The following EPG5 variants were observed in gnomAD, a reference collection of about 807,000 sequenced individuals.
EPG5 encodes the protein ectopic P granules protein 5 homolog.
A neutral mutation model predicts 302.7 loss-of-function variants in EPG5; 159 were observed. The ratio of observed to expected loss-of-function variants is 0.53; its 90% confidence interval spans 0.46 to 0.60. EPG5 has a LOEUF of 0.60. Ranked by LOEUF, EPG5 falls within the 20% of genes least tolerant of loss-of-function variation. The pLI, the probability that EPG5 is intolerant of heterozygous loss-of-function variation, is 0.00. For missense variants in EPG5, 2,896 were observed against 3,092.4 expected, an observed-to-expected ratio of 0.94 and a Z score of 1.51; for synonymous variants, 1,158 against 1,136.8, an observed-to-expected ratio of 1.02 and a Z score of -0.37.
At chr18:45,877,650 G>T (rs1449152912) in intron 34 of EPG5, among the ~76,000 whole-genome samples, 1 of 152,156 alleles carries the variant, frequency 6.6e-6, no homozygotes, top group African/African-American at 2.4e-5. Context: ...AGCATCATGG[G>T]TTAATGCAAA....
At position 45,948,570 on chromosome 18, in the gene EPG5, C is replaced by A. The variant is rs2050837867; in HGVS notation, c.1504G>T (p.Val502Leu). The change falls in exon 6 of 44, where the codon GTG becomes TTG. Residue 502 changes from valine to leucine, a missense_variant. Physicochemically the swap from Val to Leu is conservative, Grantham distance 32. This residue lies in a region of EPG5 where 1,390 missense variants were observed against 1,430.0 expected (regional missense o/e 0.97). Transcript: ENST00000282041. ...AAGACCCCTGATGGGTTATGCAACA[C>A]TTTGATCTGAAATCAGAAAAGCAAA... is the stretch of plus-strand genomic sequence containing the variant. ...KWAVPFIQIK[V>L]LHNPSGVFHF... 3 of 1,613,192 alleles carry A rather than the reference C, an allele frequency of 1.9e-6. No individual in the cohort carries two copies. The highest frequency in any genetic ancestry group is 2.5e-6 in the Non-Finnish European group (3 of 1,179,404).
chr18:45,889,645 C>G (rs1249149652), intron 28 of EPG5, among the ~76,000 whole-genome samples, 153 bp downstream of exon 28: 1 of 152,178 alleles, frequency 6.6e-6, no homozygotes, highest in Non-Finnish European at 1.5e-5. Context: ...AAATAAGTAG[C>G]AGGCCAGATT....
chr18:45,967,048 T>C lies in EPG5; in HGVS notation c.63+129A>G, dbSNP rs1403413751. 13 of 844,164 alleles carry C rather than the reference T, an allele frequency of 1.5e-5. No homozygotes were observed. In the East Asian group the frequency reaches 3.8e-4, roughly 25 times the overall value. 52.3% of individuals were successfully genotyped at this position (844,164 alleles called of 1,614,324 possible). On this transcript the variant is annotated intron_variant, in intron 1 of 43. Transcript: ENST00000282041. ...TGTCAACGGGTGGTGGGATCAAATA[T>C]TGGAAGGTGGAGGCGGAAGATGCAG...
At chr18:45,905,998 T>C (rs1416717981) in intron 24 of EPG5, among the ~76,000 whole-genome samples, 5 of 152,336 alleles carry the variant, frequency 3.3e-5, no homozygotes, top group Non-Finnish European at 5.9e-5. Flanking sequence ...CTCTGTGCGT[T>C]AAATGCTGTT....
Position 45,871,419 on chromosome 18 carries a change from C to G in EPG5, c.6050-677G>C, listed in dbSNP as rs141904165. ...AGACTACCATATGATCCAGTAATCTCACTTCTGGGTATATATCCAAAAGAA... is the reference window on the plus strand; with the variant it reads ...AGACTACCATATGATCCAGTAATCTGACTTCTGGGTATATATCCAAAAGAA... On this transcript the variant is annotated intron_variant, in intron 35 of 43. Coordinates refer to ENST00000282041, the MANE Select transcript of EPG5 (RefSeq NM_020964.3). Among the ~76,000 whole-genome samples the G allele has an allele frequency of 1.4e-4, 22 of 152,300 alleles. No homozygotes were observed. The East Asian group carries it at 3.9e-3, about 27-fold the overall frequency.
intron 23 of EPG5, among the ~76,000 whole-genome samples, chr18:45,909,001 A>T (rs2049827499): frequency 6.6e-6 from 1 of 152,104 alleles, no homozygotes; most frequent in Non-Finnish European, 1.5e-5. Context: ...AAAATACAAT[A>T]CTTCCTTCAT....
intron 10 of EPG5, 103 bp from the exon 11 acceptor site, chr18:45,935,069 C>G: frequency 8.2e-7 from 1 of 1,223,970 alleles, no homozygotes; most frequent in Non-Finnish European, 1.1e-6. Flanking sequence ...TTAAATCACA[C>G]TATGATTTTT....
intron 12 of EPG5, among the ~76,000 whole-genome samples, chr18:45,930,394 T>G (rs190699516): frequency 4.2e-4 from 64 of 152,258 alleles, no homozygotes. Flanking sequence ...GAGGGAAACA[T>G]ACATCATAAA....
In EPG5 at chr18:45,966,391, A is replaced by T. The variant is rs9956463; in HGVS notation, c.63+786T>A. ...ACTCTGTCTCAAAAAAAAAAAAAAA[A>T]ATACATATACATATATATACACACA... On this transcript the variant is annotated intron_variant, in intron 1 of 43. Coordinates refer to ENST00000282041, the MANE Select transcript of EPG5 (RefSeq NM_020964.3). 3.7e-3 allele frequency among the ~76,000 whole-genome samples: 551 copies of T among 148,112 alleles called. 3 individuals are homozygous for T. Among genetic ancestry groups the T allele is most frequent in the African/African-American group, 0.014 (525 of 38,008 alleles).
At chr18:45,841,522 C>T in the EPG5 span, among the ~76,000 whole-genome samples, 3 of 152,184 alleles carry the variant, frequency 2.0e-5, no homozygotes, top group African/African-American at 4.8e-5. Flanking sequence ...GGTTGCAGGC[C>T]GTTGGCAAGG....
intron 19 of EPG5, 79 bp downstream of exon 19, chr18:45,915,930 T>C: frequency 2.3e-6 from 3 of 1,292,094 alleles, no homozygotes; most frequent in Non-Finnish European, 3.2e-6. Context: ...AACTGAAAAC[T>C]GTACTTGGGG....
Position 45,915,605 on chromosome 18 carries a change from T to G in EPG5, c.3599A>C (p.His1200Pro). 1.2e-6 allele frequency: 2 copies of G among 1,614,054 alleles called. No homozygotes were observed. Among genetic ancestry groups the G allele is most frequent in the Non-Finnish European group, 1.7e-6 (2 of 1,179,980 alleles). ...AGATGAGAGCAGACTCCGGTCACAG[T>G]GGTAACCCAAGGCATTCTACACCGG... ...YQQHKNALGY[H>P]CDRSLLSSLV... Residue 1200 changes from histidine (H) to proline (P), a missense_variant, in exon 20 of 44, where the codon CAC becomes CCC. Coordinates refer to ENST00000282041, the MANE Select transcript of EPG5 (RefSeq NM_020964.3).
At chr18:45,884,966 T>A (rs539114613) in intron 29 of EPG5, among the ~76,000 whole-genome samples, 155 bp from the exon 30 acceptor site, 2 of 152,308 alleles carry the variant, frequency 1.3e-5, no homozygotes, top group Non-Finnish European at 2.9e-5. Context: ...TCAACATAGA[T>A]AAGCCTATTG....
At chr18:45,919,550 T>C (rs2050107830) in intron 16 of EPG5, among the ~76,000 whole-genome samples, 1 of 151,172 alleles carries the variant, frequency 6.6e-6, no homozygotes, top group Non-Finnish European at 1.5e-5. Flanking sequence ...TCTCGCTCTG[T>C]CGCCCAGGCT....
At position 45,913,824 on chromosome 18, in the gene EPG5, C is replaced by T. The variant is rs1555673917; in HGVS notation, c.3698G>A (p.Trp1233Ter). The T allele has an allele frequency of 6.2e-7, 1 of 1,613,802 alleles. No individual in the cohort carries two copies. The highest frequency in any genetic ancestry group is 8.5e-7 in the Non-Finnish European group (1 of 1,179,872). ...VEGLATPTQV[W>*]FAWTVLNMES... ...CATGTTGAGCACTGTCCAGGCAAAC[C>T]AGACCTATAATGACACCAGATAAAG... is the stretch of plus-strand genomic sequence containing the variant. The change falls in exon 21 of 44, where the codon TGG (tryptophan) becomes TAG (stop). Residue 1233 changes from tryptophan to a stop codon, truncating the protein, a stop_gained. Coordinates refer to ENST00000282041, the MANE Select transcript of EPG5 (RefSeq NM_020964.3). LOFTEE classifies it high-confidence loss of function.
At chr18:45,939,861 T>C in intron 9 of EPG5, 106 bp from the exon 10 acceptor site, 1 of 1,006,842 alleles carries the variant, frequency 9.9e-7, no homozygotes, top group South Asian at 1.7e-5. Flanking sequence ...ATTGAGCACC[T>C]ACTATCCACC....
chr18:45,901,298 G>A, intron 25 of EPG5, 131 bp from the exon 26 acceptor site: 2 of 752,150 alleles, frequency 2.7e-6, no homozygotes, highest in East Asian at 5.4e-5. Context: ...AAGAGTTAAA[G>A]CTCATGATCT....
At chr18:45,842,442 T>TGTGTGTGAGAGA in the EPG5 span, 3 of 344,978 alleles carry the variant, frequency 8.7e-6, no homozygotes, top group African/African-American at 4.3e-5. Flanking sequence ...TGTGTGTGTG[T>TGTGTGTGAGAGA]GAGAGAGAGA....
intron 25 of EPG5, 37 bp from the exon 26 acceptor site, chr18:45,901,204 G>A (rs376974665): frequency 2.5e-6 from 4 of 1,570,266 alleles, no homozygotes; most frequent in Admixed American, 1.7e-5. Context: ...TGAGCAATCA[G>A]GTGAATTAGC....
Sources: gnomAD v4.1 joint callset for allele counts (sites outside exome capture counted in the v4.1 genomes callset) on GRCh38, gnomAD v4.1.1 for gene constraint, gnomAD v4.1.1 regional missense constraint, MANE v1.5 for transcripts, NCBI Gene and HGNC (gene_info 2026-07-23, HGNC 2026-07-21) for gene names.